PAM: variants seen among roughly 807,000 people sequenced by gnomAD.
The protein encoded by PAM is peptidylglycine alpha-amidating monooxygenase.
In PAM, 72 loss-of-function variants were observed where a neutral mutation model predicts 122.1. The ratio of observed to expected loss-of-function variants is 0.59; its 90% CI spans 0.49 to 0.72. The LOEUF (loss-of-function observed/expected upper bound fraction) is 0.72, where lower values mean the gene tolerates loss of function less well. Ranked by LOEUF, PAM falls within the 30% of genes least tolerant of loss-of-function variation. The pLI is 0.00. For synonymous variants in PAM, 389 were observed against 404.4 expected, an observed-to-expected ratio of 0.96 and a Z score of 0.46; for missense variants, 1,106 against 1,183.7, an observed-to-expected ratio of 0.93 and a Z score of 0.96.
intron 5 of PAM, among the ~76,000 whole-genome samples, chr5:102,924,144 A>C (rs1380297267): frequency 6.6e-6 from 1 of 152,158 alleles, no homozygotes; most frequent in Non-Finnish European, 1.5e-5. Context: ...AAGAACTCTT[A>C]AGAGAGGCTG....
intron 21 of PAM, among the ~76,000 whole-genome samples, chr5:103,014,042 C>T (rs925228300): frequency 7.9e-5 from 12 of 152,082 alleles, no homozygotes; most frequent in Non-Finnish European, 1.3e-4. Flanking sequence ...TATTGATTAT[C>T]CAGTCTTCAT....
chr5:102,835,731 A>G (rs1408069635), intron 1 of PAM, among the ~76,000 whole-genome samples: 1 of 152,148 alleles, frequency 6.6e-6, no homozygotes, highest in Admixed American at 6.6e-5. Flanking sequence ...AACCTACAAG[A>G]TAGCATTGAA....
intron 5 of PAM, among the ~76,000 whole-genome samples, chr5:102,916,064 T>C (rs1802997773): frequency 6.6e-6 from 1 of 152,156 alleles, no homozygotes; most frequent in Admixed American, 6.6e-5. Context: ...AAAGTCAACA[T>C]AGTAGAAGGA....
At chr5:102,948,231 A>C in intron 8 of PAM, 147 bp from the exon 9 acceptor site, 1 of 533,104 alleles carries the variant, frequency 1.9e-6, no homozygotes, top group Non-Finnish European at 3.4e-6. Flanking sequence ...GTATTTTTTA[A>C]GGAAGAAAAA....
At chr5:102,762,345 G>C (rs1468416926) in intron 1 of PAM, among the ~76,000 whole-genome samples, 1 of 152,136 alleles carries the variant, frequency 6.6e-6, no homozygotes, top group East Asian at 1.9e-4. Context: ...ATTTTCCCCA[G>C]TTTCATGCTG....
intron 1 of PAM, among the ~76,000 whole-genome samples, chr5:102,862,301 A>G (rs1053114819): frequency 6.6e-6 from 1 of 151,886 alleles, no homozygotes; most frequent in Non-Finnish European, 1.5e-5. Flanking sequence ...CTCCTATTGA[A>G]GGACGTTTAA....
chr5:102,974,580 G>T, intron 15 of PAM, 144 bp downstream of exon 15: 1 of 575,308 alleles, frequency 1.7e-6, no homozygotes, highest in Non-Finnish European at 3.0e-6. Flanking sequence ...TCAGATTTGG[G>T]CTATCAGATA....
At chr5:102,973,491 G>A (rs1205188162) in intron 14 of PAM, among the ~76,000 whole-genome samples, 2 of 152,088 alleles carry the variant, frequency 1.3e-5, no homozygotes, top group African/African-American at 4.8e-5. Flanking sequence ...GTTTGAAGCT[G>A]ATTTAAAAGT....
At chr5:102,870,940 T>C (rs1225585095) in intron 3 of PAM, among the ~76,000 whole-genome samples, 1 of 152,206 alleles carries the variant, frequency 6.6e-6, no homozygotes, top group Non-Finnish European at 1.5e-5. Flanking sequence ...AACAAAAGAA[T>C]TTGATAAACT....
At chr5:102,894,146 G>A (rs1795512195) in intron 3 of PAM, among the ~76,000 whole-genome samples, 3 of 151,662 alleles carry the variant, frequency 2.0e-5, no homozygotes, top group South Asian at 2.1e-4. Flanking sequence ...CATGGACAGC[G>A]AGTGTGGCTA....
chr5:102,972,285 A>G (rs6881578), intron 14 of PAM, among the ~76,000 whole-genome samples: 8,825 of 152,072 alleles, frequency 0.058, 859 homozygotes, highest in African/African-American at 0.2. Context: ...TTTTTATTTA[A>G]TTTTAATTTT....
At chr5:102,893,870 G>C (rs1476613439) in intron 3 of PAM, among the ~76,000 whole-genome samples, 1 of 151,664 alleles carries the variant, frequency 6.6e-6, no homozygotes, top group African/African-American at 2.4e-5. Flanking sequence ...ATTTTATTTT[G>C]ACTATTTGAG....
At chr5:103,028,604 G>C (rs192538214) in intron 25 of PAM, among the ~76,000 whole-genome samples, 180 of 152,284 alleles carry the variant, frequency 1.2e-3, no homozygotes, top group African/African-American at 4.2e-3. Flanking sequence ...CTCCAGGGAG[G>C]CTAGTTCTGG....
At chr5:102,940,951 G>A (rs1755001372) in intron 7 of PAM, among the ~76,000 whole-genome samples, 2 of 152,036 alleles carry the variant, frequency 1.3e-5, no homozygotes, top group Non-Finnish European at 2.9e-5. Context: ...TTGAAATTTA[G>A]CACTGTACTT....
intron 1 of PAM, among the ~76,000 whole-genome samples, chr5:102,829,288 T>C (rs1774656586): frequency 6.6e-6 from 1 of 152,008 alleles, no homozygotes; most frequent in South Asian, 2.1e-4. Context: ...AATATGTTCA[T>C]ATAAACAGCT....
intron 1 of PAM, among the ~76,000 whole-genome samples, chr5:102,826,294 T>G (rs1376385558): frequency 6.6e-6 from 1 of 152,232 alleles, no homozygotes; most frequent in Non-Finnish European, 1.5e-5. Flanking sequence ...ATGAGACATT[T>G]TCTCCCTAAA....
At chr5:103,029,751 C>A (rs1174617316), downstream of PAM, 2 of 152,386 alleles carry the variant, frequency 1.3e-5, no homozygotes, top group Non-Finnish European at 2.9e-5. Flanking sequence ...TGCGTATTTG[C>A]AGATTTTACA....
chr5:102,968,321 G>C (rs1333586544), intron 14 of PAM, among the ~76,000 whole-genome samples: 2 of 152,142 alleles, frequency 1.3e-5, no homozygotes, highest in Non-Finnish European at 2.9e-5. Context: ...GCAGTTTGGA[G>C]GGCAACTGTC....
intron 15 of PAM, among the ~76,000 whole-genome samples, chr5:102,982,073 G>A (rs765396918): frequency 9.9e-5 from 15 of 151,932 alleles, no homozygotes; most frequent in Non-Finnish European, 2.1e-4. Flanking sequence ...TGAGGCCTGG[G>A]TACCAACCCA....
Sources: gnomAD v4.1 joint callset for allele counts (sites outside exome capture counted in the v4.1 genomes callset) on GRCh38, gnomAD v4.1.1 for gene constraint, MANE v1.5 for transcripts, NCBI Gene and HGNC (gene_info 2026-07-23, HGNC 2026-07-21) for gene names.